Variants in CEP295NL observed in about 807,000 individuals in gnomAD.
The protein encoded by CEP295NL is protein DDC8 homolog.
CEP295NL carries 3 observed loss-of-function variants against 4.6 expected under a neutral mutation model. The ratio of observed to expected loss-of-function variants is 0.65; its 90% CI spans 0.30 to 1.69. The LOEUF (loss-of-function observed/expected upper bound fraction) is 1.69. Ranked by LOEUF, CEP295NL falls within the 40% of genes most tolerant of loss-of-function variation. The pLI is 0.10. For synonymous variants in CEP295NL, 295 were observed against 312.2 expected, an observed-to-expected ratio of 0.94 and a Z score of 0.58; for missense variants, 719 against 769.0, an observed-to-expected ratio of 0.93 and a Z score of 0.77.
chr17:78,891,663 G>GT lies in CEP295NL; in HGVS notation c.840dup (p.Leu281ThrfsTer35). On this transcript the variant is annotated frameshift_variant, in exon 3 of 3. Transcript: ENST00000322630. LOFTEE classifies it low-confidence loss of function (END_TRUNC). This position sits in a 1 kb window ranked among gnomAD's most constrained non-coding sequence, Gnocchi z 4.5. Reference sequence around the variant, plus strand: ...ACAAAGCAAACTGCCCCCTTTCCCAGTTGCCTCCTCCCCGCCCGAGCTGTT... The same window carrying GT: ...ACAAAGCAAACTGCCCCCTTTCCCAGTTTGCCTCCTCCCCGCCCGAGCTGTT... 6.4e-7 allele frequency: 1 copy of GT among 1,551,030 alleles called. No homozygotes were observed. Among genetic ancestry groups the GT allele is most frequent in the Non-Finnish European group, 8.7e-7 (1 of 1,147,108 alleles).
At chr17:78,898,234 C>A (rs1162955467) in intron 2 of CEP295NL, 1 of 152,238 alleles carries the variant, frequency 6.6e-6, no homozygotes, top group Non-Finnish European at 1.5e-5. Flanking sequence ...AGGCCTATTC[C>A]TATCCGCACA....
At position 78,891,121 on chromosome 17, in the gene CEP295NL, C is replaced by A; in HGVS notation, c.1383G>T (p.Glu461Asp). 6.4e-7 allele frequency: 1 copy of A among 1,550,736 alleles called. No individual in the cohort carries two copies. Among genetic ancestry groups the A allele is most frequent in the Non-Finnish European group, 8.7e-7 (1 of 1,147,042 alleles). ...ATTCAGTGCTATACAATAATGAGTC[C>A]TCTTTGTTGATAAATATACCTGCCT... ...SPEAGIFINK[E>D]DSLLYSTESG... The change falls in exon 3 of 3, where the codon GAG becomes GAT. Residue 461 changes from glutamate to aspartate, a missense_variant. Coordinates refer to ENST00000322630, the MANE Select transcript of CEP295NL (RefSeq NM_001243540.2). This position sits in a 1 kb window ranked among gnomAD's most constrained non-coding sequence, Gnocchi z 4.5.
Position 78,896,581 on chromosome 17 carries a change from C to T in CEP295NL, c.45-4122G>A, listed in dbSNP as rs7216891. On this transcript the variant is annotated intron_variant, in intron 2 of 2. Coordinates refer to ENST00000322630, the MANE Select transcript of CEP295NL (RefSeq NM_001243540.2). This position sits in a 1 kb window ranked among gnomAD's most constrained non-coding sequence, Gnocchi z 4.4. ...ACATCCTCTGAGTGTTCTGAGCATCCTGGGCTGCTTTGGTGTTTTCTACTC... is the reference window on the plus strand; with the variant it reads ...ACATCCTCTGAGTGTTCTGAGCATCTTGGGCTGCTTTGGTGTTTTCTACTC... 0.21 allele frequency among the ~76,000 whole-genome samples: 31,594 copies of T among 152,072 alleles called. 7,800 individuals carry two copies. The highest frequency in any genetic ancestry group is 0.6 in the African/African-American group (24,833 of 41,414).
rs538699704 is a variant in CEP295NL, at chr17:78,896,152, G to A, written c.45-3693C>T. On this transcript the variant is annotated intron_variant, in intron 2 of 2. Transcript: ENST00000322630. This position sits in a 1 kb window ranked among gnomAD's most constrained non-coding sequence, Gnocchi z 4.4. ...CACCATCAGATGCAACCTCGTCCCC[G>A]CTACCCCAGCTCTCCTTGCTCTCCC... Among the ~76,000 whole-genome samples, 27 of 152,276 alleles carry A rather than the reference G, an allele frequency of 1.8e-4. No individual in the cohort carries two copies. The East Asian group carries it at 3.3e-3, about 19-fold the overall frequency.
intron 2 of CEP295NL, chr17:78,898,789 G>A (rs1296063112): frequency 6.6e-6 from 1 of 152,274 alleles, no homozygotes; most frequent in Non-Finnish European, 1.5e-5. Context: ...CCAGGCTGGA[G>A]TGCAGTGGTG....
chr17:78,893,351 G>C (rs1035439732), intron 2 of CEP295NL, among the ~76,000 whole-genome samples: 4 of 147,278 alleles, frequency 2.7e-5, no homozygotes, highest in African/African-American at 1.0e-4. Context: ...GTGTGCAGGG[G>C]TGTGTGTGCA....
At position 78,891,881 on chromosome 17, in the gene CEP295NL, T is replaced by C; in HGVS notation, c.623A>G (p.Lys208Arg). The C allele has an allele frequency of 6.4e-7, 1 of 1,550,582 alleles. No homozygotes were observed. Among genetic ancestry groups the C allele is most frequent in the Non-Finnish European group, 8.7e-7 (1 of 1,146,982 alleles). The change falls in exon 3 of 3, where the codon AAA becomes AGA. Residue 208 changes from lysine (K) to arginine (R), a missense_variant. Physicochemically the swap from Lys to Arg is conservative, Grantham distance 26. Coordinates refer to ENST00000322630, the MANE Select transcript of CEP295NL (RefSeq NM_001243540.2). The surrounding 1 kb of genome is among the most constrained non-coding windows in gnomAD (Gnocchi z 4.5). ...GTGAGAATTCATCCGACCCGTGGCT[T>C]TTGTAGTCTGTGGTTTCTCTGGACT... ...AASPEKPQTT[K>R]ATGRMNSHLA...
In CEP295NL at chr17:78,892,347, C is replaced by A. The variant is rs571985781; in HGVS notation, c.157G>T (p.Ala53Ser). The change falls in exon 3 of 3, where the codon GCA becomes TCA. Residue 53 changes from alanine (A) to serine (S), a missense_variant. By Grantham distance (99) the Ala-to-Ser change is moderately conservative. Transcript: ENST00000322630. Reference sequence around the variant, plus strand: ...CCATCCATGTTTCTGTTCCTGTCTGCGAACCCAGCAGATACAGCTTCCCAG... The same window carrying A: ...CCATCCATGTTTCTGTTCCTGTCTGAGAACCCAGCAGATACAGCTTCCCAG... ...LPWEAVSAGF[A>S]DRNRNMDGAM... 1.9e-6 allele frequency: 3 copies of A among 1,550,634 alleles called. No individual in the cohort carries two copies. In the South Asian group the frequency reaches 3.6e-5, roughly 18 times the overall value.
At chr17:78,900,581 T>C (rs2070075617) in intron 2 of CEP295NL, among the ~76,000 whole-genome samples, 1 of 151,426 alleles carries the variant, frequency 6.6e-6, no homozygotes, top group African/African-American at 2.4e-5. Context: ...ATAAAGTAAG[T>C]AGAGTCCGAG....
Position 78,892,051 on chromosome 17 carries a change from G to A in CEP295NL, c.453C>T (p.Asp151=). The A allele has an allele frequency of 1.3e-6, 2 of 1,551,206 alleles. No homozygotes were observed. Among genetic ancestry groups the A allele is most frequent in the Non-Finnish European group, 8.7e-7 (1 of 1,147,350 alleles). The change falls in exon 3 of 3, where the codon GAC becomes GAT. Residue 151 remains aspartate, a synonymous_variant. Coordinates refer to ENST00000322630, the MANE Select transcript of CEP295NL (RefSeq NM_001243540.2). ...GGGRARENEP[D]SQGPIQRRSA... ...ATCTTCGCTGGATGGGCCCCTGCGA[G>A]TCAGGCTCATTTTCCCTGGCCCGTC...
At chr17:78,894,021 G>A (rs941639114) in intron 2 of CEP295NL, among the ~76,000 whole-genome samples, 1 of 152,154 alleles carries the variant, frequency 6.6e-6, no homozygotes, top group African/African-American at 2.4e-5. Flanking sequence ...GTGGAACCAG[G>A]CTAAGCCTTT....
At chr17:78,900,684 C>T (rs1031853786) in intron 2 of CEP295NL, among the ~76,000 whole-genome samples, 3 of 152,192 alleles carry the variant, frequency 2.0e-5, no homozygotes, top group East Asian at 1.9e-4. Flanking sequence ...TACAGATAAC[C>T]CTTGGGGGAG....
chr17:78,892,446 G>T lies in CEP295NL; in HGVS notation c.58C>A (p.Arg20Ser). 1.3e-6 allele frequency: 2 copies of T among 1,548,524 alleles called. No individual in the cohort carries two copies. Among genetic ancestry groups the T allele is most frequent in the Non-Finnish European group, 8.7e-7 (1 of 1,145,810 alleles). The change falls in exon 3 of 3, where the codon CGT becomes AGT. Residue 20 changes from arginine (R) to serine (S), a missense_variant. Transcript: ENST00000322630. ...CCTGAGGAGCCACAGAAGCCACAAC[G>T]TTCCACAGCAAACCTACGAGGAAGG... The part of the protein sequence containing the change: ...IWRHTQFAVE[R>S]CGFCGSSGPG...
intron 2 of CEP295NL, chr17:78,899,874 C>T (rs1476102326): frequency 6.6e-6 from 1 of 152,246 alleles, no homozygotes; most frequent in African/African-American, 2.4e-5. Flanking sequence ...ACCCGGGCCA[C>T]ATAGTCAAGC....
rs1213605604 is a variant in CEP295NL, at chr17:78,896,227, C to T, written c.45-3768G>A. ...ACTTGAGGCAGAGGGCAGGGTCTCA[C>T]GTGGACTTGTGCAGGCACTGGCAGG... On this transcript the variant is annotated intron_variant, in intron 2 of 2. Transcript: ENST00000322630. This position sits in a 1 kb window ranked among gnomAD's most constrained non-coding sequence, Gnocchi z 4.4. 6.6e-6 allele frequency among the ~76,000 whole-genome samples: 1 copy of T among 152,202 alleles called. No individual in the cohort carries two copies. Among genetic ancestry groups the T allele is most frequent in the Non-Finnish European group, 1.5e-5 (1 of 68,038 alleles).
chr17:78,899,985 A>T (rs924959283), intron 2 of CEP295NL: 7 of 152,214 alleles, frequency 4.6e-5, no homozygotes, highest in Admixed American at 2.0e-4. Context: ...ACCCTTTCAT[A>T]TGGAAAGTTA....
rs981608242 is a variant in CEP295NL, at chr17:78,892,315, C to T, written c.189G>A (p.Met63Ile). The stretch of plus-strand genomic sequence containing the variant: ...CGTTATCAGGACAGAGGCTCAGCCA[C>T]ATGGCTCCATCCATGTTTCTGTTCC... ...ADRNRNMDGA[M>I]WLSLCPDNED... The change falls in exon 3 of 3, where the codon ATG (methionine) becomes ATA (isoleucine). Residue 63 changes from methionine to isoleucine, a missense_variant. By Grantham distance (10) the Met-to-Ile change is conservative (BLOSUM62 1). Transcript: ENST00000322630. 6.4e-7 allele frequency: 1 copy of T among 1,550,564 alleles called. No individual in the cohort carries two copies. The highest frequency in any genetic ancestry group is 8.7e-7 in the Non-Finnish European group (1 of 1,147,036).
rs2070010115 is a variant in CEP295NL at position 78,896,877 on chromosome 17, G to C, written c.45-4418C>G. On this transcript the variant is annotated intron_variant, in intron 2 of 2. Coordinates refer to ENST00000322630, the MANE Select transcript of CEP295NL (RefSeq NM_001243540.2). The surrounding 1 kb of genome is among the most constrained non-coding windows in gnomAD (Gnocchi z 4.4). Reference sequence around the variant, plus strand: ...GCCCATGGCAGCTCCACCCCAGACCGATCCGATCCCAGCACCTGGGCCCAG... The same window carrying C: ...GCCCATGGCAGCTCCACCCCAGACCCATCCGATCCCAGCACCTGGGCCCAG... 1.0e-6 allele frequency: 1 copy of C among 975,706 alleles called. No individual in the cohort carries two copies. The highest frequency in any genetic ancestry group is 1.2e-6 in the Non-Finnish European group (1 of 821,326). The allele number at this position is 975,706 out of a possible 1,614,324, so 60.4% of individuals were successfully genotyped here.
intron 2 of CEP295NL, among the ~76,000 whole-genome samples, chr17:78,893,487 A>ATAGC (rs2069949998): frequency 7.2e-6 from 1 of 139,724 alleles, no homozygotes; most frequent in African/African-American, 2.7e-5. Context: ...GTGTGTGTGC[A>ATAGC]GGGGTGTGTG....
Sources: allele counts gnomAD v4.1 joint callset (sites outside exome capture counted in the v4.1 genomes callset), GRCh38; gene constraint gnomAD v4.1.1; non-coding constraint Gnocchi (gnomAD v3.1); transcripts MANE v1.5; gene names NCBI Gene and HGNC (gene_info 2026-07-23, HGNC 2026-07-21).